Variants in FBN3 observed in about 807,000 individuals in gnomAD.
FBN3 encodes the protein fibrillin-3.
A neutral mutation model predicts 330.1 loss-of-function variants in FBN3; 234 were observed. That is an observed-to-expected ratio of 0.71 (90% CI 0.64 to 0.79). FBN3 has a LOEUF of 0.79. FBN3 is among the 30% of genes least tolerant of loss of function. The pLI, the probability that FBN3 is intolerant of heterozygous loss-of-function variation, is 0.00. For synonymous variants in FBN3, 1,458 were observed against 1,517.3 expected (o/e 0.96, Z 0.91); for missense variants, 3,606 against 3,886.9 (o/e 0.93, Z 1.92).
chr19:8,109,787 C>A lies in FBN3; in HGVS notation c.4334-34G>T. 7.0e-7 allele frequency: 1 copy of A among 1,434,106 alleles called. No homozygotes were observed. The highest frequency in any genetic ancestry group is 9.2e-7 in the Non-Finnish European group (1 of 1,090,874). 88.8% of individuals were successfully genotyped at this position (1,434,106 alleles called of 1,614,324 possible). On this transcript the variant is annotated intron_variant, in intron 34 of 63. Coordinates refer to ENST00000600128, the MANE Select transcript of FBN3 (RefSeq NM_032447.5). The surrounding 1 kb of genome is among the most constrained non-coding windows in gnomAD (Gnocchi z 5.2). ...AGGAAGCGCGGTCCTCAGCAGGGAG[C>A]CCCTTCCTCGGCCCCCCTCCCTCCT... is the stretch of plus-strand genomic sequence containing the variant.
At chr19:8,134,916 A>C (rs1451458000) in intron 13 of FBN3, among the ~76,000 whole-genome samples, 4 of 151,270 alleles carry the variant, frequency 2.6e-5, no homozygotes, top group African/African-American at 9.7e-5. Flanking sequence ...CCTGGGAGAT[A>C]GAGACTCAAA....
chr19:8,079,070 A>G (rs1326836527), intron 59 of FBN3, among the ~76,000 whole-genome samples: 4 of 152,018 alleles, frequency 2.6e-5, no homozygotes. Flanking sequence ...GCCCAGCCAA[A>G]TGTTCTCTTT....
chr19:8,081,730 G>T (rs2081790517), intron 57 of FBN3, among the ~76,000 whole-genome samples: 1 of 152,196 alleles, frequency 6.6e-6, no homozygotes, highest in Non-Finnish European at 1.5e-5. Context: ...AGACAAATGT[G>T]CATGGCTGTG....
intron 8 of FBN3, among the ~76,000 whole-genome samples, chr19:8,140,475 C>T (rs1488404037): frequency 2.0e-5 from 3 of 152,124 alleles, no homozygotes; most frequent in Non-Finnish European, 2.9e-5. Flanking sequence ...AGAATTTTAA[C>T]AAAAATGATC....
intron 38 of FBN3, among the ~76,000 whole-genome samples, chr19:8,105,327 G>A (rs1425613238): frequency 1.3e-5 from 2 of 149,620 alleles, no homozygotes; most frequent in East Asian, 2.0e-4. Context: ...GCACAATCAC[G>A]GCTCACTGCA....
chr19:8,146,238 A>T lies in FBN3; in HGVS notation c.251-13T>A. ...CGCCTACAGATGGCTGGATGAGTGC[A>T]GCGGGTGGCAGTCAAGACCAGGACC... On this transcript the variant is annotated splice_polypyrimidine_tract_variant and intron_variant, in intron 3 of 63. Transcript: ENST00000600128. The T allele has an allele frequency of 1.3e-6, 2 of 1,576,958 alleles. No homozygotes were observed. Among genetic ancestry groups the T allele is most frequent in the Non-Finnish European group, 8.6e-7 (1 of 1,162,374 alleles).
intron 26 of FBN3, among the ~76,000 whole-genome samples, chr19:8,118,567 C>T (rs552696076): frequency 2.6e-4 from 39 of 149,910 alleles, no homozygotes; most frequent in African/African-American, 8.4e-4. Context: ...TTCACACAGA[C>T]GCACACACAC....
At chr19:8,111,950 C>T (rs766140508) in intron 31 of FBN3, 27 bp downstream of exon 31, 11 of 1,236,454 alleles carry the variant, frequency 8.9e-6, no homozygotes, top group Non-Finnish European at 1.2e-5. Context: ...ACTGCTTTGC[C>T]CCCACTCCCT....
intron 59 of FBN3, among the ~76,000 whole-genome samples, chr19:8,076,206 C>A (rs1017324207): frequency 6.0e-5 from 9 of 150,702 alleles, no homozygotes; most frequent in Non-Finnish European, 1.3e-4. Flanking sequence ...AAAAATAAAT[C>A]TCTGTAGTTT....
At position 8,087,129 on chromosome 19, in the gene FBN3, G is replaced by A. The variant is rs147211486; in HGVS notation, c.6702C>T (p.Cys2234=). 34 of 1,610,586 alleles carry A rather than the reference G, an allele frequency of 2.1e-5. No homozygotes were observed. Among genetic ancestry groups the A allele is most frequent in the Middle Eastern group, 3.3e-4 (2 of 6,054 alleles). Residue 2234 remains cysteine, a synonymous_variant, in exon 54 of 64, where the codon TGC becomes TGT. Coordinates refer to ENST00000600128, the MANE Select transcript of FBN3 (RefSeq NM_032447.5). ...GGGGCCGCATGCCTGGGGGACAGAC[G>A]CACGCGAAGGTACCGATGAGGTTCT... ...ECKNLIGTFA[C]VCPPGMRPLP... is the part of the protein sequence containing the mutation.
intron 55 of FBN3, among the ~76,000 whole-genome samples, chr19:8,085,937 G>A (rs2081934076): frequency 6.7e-6 from 1 of 149,328 alleles, no homozygotes; most frequent in African/African-American, 2.5e-5. Context: ...AGTGCCGCAG[G>A]CCCCGTCCCT....
chr19:8,075,535 C>T (rs766860224), intron 59 of FBN3, 124 bp from the exon 60 acceptor site: 1 of 929,016 alleles, frequency 1.1e-6, no homozygotes, highest in Non-Finnish European at 1.6e-6. Context: ...TGCCTGTTTC[C>T]CACTCTGTGA....
At position 8,102,517 on chromosome 19, in the gene FBN3, C is replaced by T. The variant is rs544992964; in HGVS notation, c.5089+207G>A. 2.0e-5 allele frequency among the ~76,000 whole-genome samples: 3 copies of T among 152,270 alleles called. No homozygotes were observed. The South Asian group carries it at 6.2e-4, about 32-fold the overall frequency. ...ATAGGTGTGAGCCACCACACCCAGC[C>T]AAACCTCTTTTTCTTTATAAATTAC... On this transcript the variant is annotated intron_variant, in intron 40 of 63. Transcript: ENST00000600128.
chr19:8,091,643 T>A, intron 47 of FBN3, 53 bp from the exon 48 acceptor site: 1 of 1,597,658 alleles, frequency 6.3e-7, no homozygotes. Flanking sequence ...CCTCCATCAG[T>A]GGGGAGAGGA....
chr19:8,133,352 C>T (rs1271726779), intron 13 of FBN3, among the ~76,000 whole-genome samples: 1 of 152,178 alleles, frequency 6.6e-6, no homozygotes, highest in African/African-American at 2.4e-5. Flanking sequence ...AATAATTGCT[C>T]AAAGCTGAAT....
At chr19:8,108,372 C>A in intron 36 of FBN3, 134 bp from the exon 37 acceptor site, 2 of 660,830 alleles carry the variant, frequency 3.0e-6, no homozygotes, top group East Asian at 2.8e-5. Context: ...ACGACATCCC[C>A]ATATCTCTTT....
At position 8,103,680 on chromosome 19, in the gene FBN3, G is replaced by C. The variant is rs145344717; in HGVS notation, c.4821C>G (p.Asp1607Glu). ...SEHTRICEDI[D>E]ECSTHSGICG... ...AGATGCCGGAGTGTGTGGAGCATTC[G>C]TCAATATCTGCAGGGAAAGAAGGGG... is the stretch of plus-strand genomic sequence containing the variant. The change falls in exon 39 of 64, where the codon GAC becomes GAG. Residue 1607 changes from aspartate to glutamate, a missense_variant. Asp to Glu is a conservative substitution (Grantham distance 45). Transcript: ENST00000600128. 46 of 1,612,844 alleles carry C rather than the reference G, an allele frequency of 2.9e-5. No individual in the cohort carries two copies. The East Asian group carries it at 1.0e-3, about 36-fold the overall frequency.
chr19:8,143,725 T>C (rs1474849701), intron 6 of FBN3, among the ~76,000 whole-genome samples: 1 of 151,848 alleles, frequency 6.6e-6, no homozygotes, highest in African/African-American at 2.4e-5. Context: ...ACTCCTGGCC[T>C]CGAGTGATCT....
chr19:8,116,842 T>G, intron 28 of FBN3, 43 bp from the exon 29 acceptor site: 2 of 1,600,422 alleles, frequency 1.2e-6, no homozygotes, highest in Non-Finnish European at 1.7e-6. Flanking sequence ...TTTGCCCTGA[T>G]AGACCACCCA....
Sources: gnomAD v4.1 joint callset for allele counts (sites outside exome capture counted in the v4.1 genomes callset) on GRCh38, gnomAD v4.1.1 for gene constraint, Gnocchi (gnomAD v3.1) non-coding constraint, MANE v1.5 for transcripts, NCBI Gene and HGNC (gene_info 2026-07-23, HGNC 2026-07-21) for gene names.